The following SLC2A9 variants were observed in gnomAD, a reference collection of about 807,000 sequenced individuals.
The protein encoded by SLC2A9 is solute carrier family 2 member 9, also known as solute carrier family 2, facilitated glucose transporter member 9.
Under a neutral mutation model 50.6 loss-of-function variants are expected in SLC2A9, and 39 were observed. That is an observed-to-expected ratio of 0.77 (90% confidence interval 0.60 to 1.01). The LOEUF (loss-of-function observed/expected upper bound fraction) is 1.01. Among genes scored for constraint, SLC2A9 ranks in the 50% least tolerant of loss-of-function variants. The pLI is 0.00. For synonymous variants in SLC2A9, 324 were observed against 276.9 expected (o/e 1.17, Z -1.69); for missense variants, 686 against 677.6 (o/e 1.01, Z -0.14).
intron 3 of SLC2A9, among the ~76,000 whole-genome samples, chr4:9,784,645 C>T (rs1214019488): frequency 2.6e-5 from 4 of 152,120 alleles, no homozygotes; most frequent in South Asian, 4.2e-4. Flanking sequence ...TAGAAAAGCC[C>T]GGCTGACTCC....
chr4:9,859,966 G>A (rs541440771), intron 10 of SLC2A9, among the ~76,000 whole-genome samples: 1 of 152,304 alleles, frequency 6.6e-6, no homozygotes, highest in East Asian at 1.9e-4. Flanking sequence ...GCTCCTGAGG[G>A]TGTGGAGAGC....
intron 7 of SLC2A9, among the ~76,000 whole-genome samples, chr4:9,911,587 C>T (rs1028017678): frequency 1.9e-4 from 29 of 152,218 alleles, no homozygotes; most frequent in Admixed American, 2.6e-4. Flanking sequence ...CCCCGTGCAG[C>T]GTGGCAGGAG....
intron 8 of SLC2A9, among the ~76,000 whole-genome samples, chr4:9,893,782 G>T (rs1738003899): frequency 1.3e-5 from 2 of 152,172 alleles, no homozygotes; most frequent in Non-Finnish European, 2.9e-5. Context: ...AAGGCCCAGA[G>T]ATATCAGGGG....
chr4:10,037,796 CA>C (rs754672883), intron 1 of SLC2A9, among the ~76,000 whole-genome samples: 14 of 151,816 alleles, frequency 9.2e-5, no homozygotes, highest in Non-Finnish European at 1.5e-4. Flanking sequence ...TAAAAACACA[CA>C]AAAAATTAGC....
rs549368224 is a variant in SLC2A9 at position 9,862,892 on chromosome 4, G to T, written c.1291+24675C>A. Among the ~76,000 whole-genome samples, 4 of 152,078 alleles carry T rather than the reference G, an allele frequency of 2.6e-5. No individual in the cohort carries two copies. In the South Asian group the frequency reaches 8.3e-4, roughly 32 times the overall value. ...TTCGCTGGGGTATCTCCTGTGCCTGGATCAACATAAGAAGTGCTTGATTAA... is the reference window on the plus strand; with the variant it reads ...TTCGCTGGGGTATCTCCTGTGCCTGTATCAACATAAGAAGTGCTTGATTAA... On this transcript the variant is annotated intron_variant, in intron 10 of 11. Transcript: ENST00000264784.
chr4:9,902,121 C>T (rs999522404), intron 8 of SLC2A9, among the ~76,000 whole-genome samples: 3 of 151,794 alleles, frequency 2.0e-5, no homozygotes, highest in Non-Finnish European at 4.4e-5. Context: ...GACAGCTGGG[C>T]TCACCTGGAG....
intron 3 of SLC2A9, among the ~76,000 whole-genome samples, chr4:9,813,668 C>T (rs139092904): frequency 1.0e-3 from 156 of 152,316 alleles, no homozygotes; most frequent in African/African-American, 3.6e-3. Context: ...ATAATCACAA[C>T]AATCCTAAAG....
chr4:9,924,405 CAG>C (rs1744518246), intron 6 of SLC2A9, among the ~76,000 whole-genome samples: 1 of 152,222 alleles, frequency 6.6e-6, no homozygotes, highest in African/African-American at 2.4e-5. Flanking sequence ...CTGATGTTAA[CAG>C]AGGTATACCT....
chr4:9,841,508 A>C (rs1728079727), intron 10 of SLC2A9, among the ~76,000 whole-genome samples: 3 of 152,188 alleles, frequency 2.0e-5, no homozygotes, highest in South Asian at 2.1e-4. Context: ...GATATGATGG[A>C]AGACCGATCT....
chr4:9,942,000 C>A lies in SLC2A9; in HGVS notation c.727G>T (p.Val243Phe). Residue 243 changes from valine to phenylalanine, a missense_variant, in exon 6 of 12, where the codon GTT (valine) becomes TTT (phenylalanine). By Grantham distance (50) the Val-to-Phe change is conservative. Transcript: ENST00000264784. ...YLFGVIVVPA[V>F]VQLLSLPFLP... ...AAGGGAAGGCTCAGCAGCTGGACAA[C>A]GGCAGGGACCACAATCACTCCAAAC... is the stretch of plus-strand genomic sequence containing the variant. The A allele has an allele frequency of 6.2e-7, 1 of 1,614,186 alleles. No individual in the cohort carries two copies.
intron 5 of SLC2A9, among the ~76,000 whole-genome samples, chr4:9,954,338 A>C (rs1750827429): frequency 6.6e-6 from 1 of 152,276 alleles, no homozygotes; most frequent in Non-Finnish European, 1.5e-5. Flanking sequence ...CCACTGGAAG[A>C]CTTGTCTGCA....
intron 8 of SLC2A9, among the ~76,000 whole-genome samples, chr4:9,896,871 G>T (rs1281770172): frequency 6.6e-6 from 1 of 152,106 alleles, no homozygotes; most frequent in Non-Finnish European, 1.5e-5. Context: ...TTTGTTTTCT[G>T]GATTCCATTC....
intron 10 of SLC2A9, among the ~76,000 whole-genome samples, chr4:9,870,025 G>C (rs889640487): frequency 1.3e-5 from 2 of 152,242 alleles, no homozygotes; most frequent in African/African-American, 4.8e-5. Context: ...CATAGGGGAA[G>C]GCCTGTGAAG....
At chr4:9,826,752 T>C (rs112950287) in intron 11 of SLC2A9, 152 bp from the exon 12 acceptor site, 1 of 746,764 alleles carries the variant, frequency 1.3e-6, no homozygotes, top group East Asian at 2.7e-5. Context: ...ATAAGGCAAG[T>C]GTACCCTACA....
At chr4:9,829,778 A>T (rs539833276) in intron 11 of SLC2A9, among the ~76,000 whole-genome samples, 1 of 152,296 alleles carries the variant, frequency 6.6e-6, no homozygotes, top group East Asian at 1.9e-4. Flanking sequence ...AACATCACTG[A>T]TCATTAGAGA....
chr4:9,905,571 T>G (rs1740511785), intron 8 of SLC2A9, among the ~76,000 whole-genome samples: 1 of 152,210 alleles, frequency 6.6e-6, no homozygotes, highest in Non-Finnish European at 1.5e-5. Context: ...TTTACCCTCC[T>G]TTCTGGGGTT....
At position 9,782,251 on chromosome 4, in the gene SLC2A9, C is replaced by G. The variant is rs201023282; in HGVS notation, n.386-2186G>C. 1.9e-5 allele frequency: 30 copies of G among 1,613,762 alleles called. No individual in the cohort carries two copies. The African/African-American group carries it at 3.6e-4, about 19-fold the overall frequency. ...TGCGGAGCCGCCACCTGCGCGCCAA[C>G]ATGACCAACGTCTTCATCGTGTCTC... On this transcript the variant is annotated intron_variant and non_coding_transcript_variant, in intron 3 of 3. Coordinates refer to the SLC2A9 transcript ENST00000503803.
intron 11 of SLC2A9, among the ~76,000 whole-genome samples, chr4:9,829,619 C>G (rs748545766): frequency 1.3e-5 from 2 of 152,122 alleles, no homozygotes; most frequent in Non-Finnish European, 2.9e-5. Flanking sequence ...ATCTATCCAT[C>G]TGACAGAGGT....
At chr4:10,021,989 C>A (rs753446263), upstream of SLC2A9, among the ~76,000 whole-genome samples, 15 of 152,172 alleles carry the variant, frequency 9.9e-5, no homozygotes, top group Non-Finnish European at 1.5e-5. Flanking sequence ...TAGGCGTGTG[C>A]CACCACGCCT....
Sources: gnomAD v4.1 joint callset for allele counts (sites outside exome capture counted in the v4.1 genomes callset) on GRCh38, gnomAD v4.1.1 for gene constraint, MANE v1.5 for transcripts, NCBI Gene and HGNC (gene_info 2026-07-23, HGNC 2026-07-21) for gene names.